The following NOL10 variants were observed in gnomAD, a reference collection of about 807,000 sequenced individuals.
NOL10 encodes the protein H_NH0074G24.1.
In NOL10, 58 loss-of-function variants were observed where a neutral mutation model predicts 103.5. The ratio of observed to expected loss-of-function variants is 0.56; its 90% CI spans 0.45 to 0.70. The LOEUF (loss-of-function observed/expected upper bound fraction) is 0.70. Among genes scored for constraint, NOL10 ranks in the 30% least tolerant of loss-of-function variants. NOL10 has a pLI of 0.00. For missense variants in NOL10, 763 were observed against 807.3 expected (o/e 0.95, Z 0.67); for synonymous variants, 287 against 282.5 (o/e 1.02, Z -0.16).
chr2:10,602,623 T>C (rs548220111), intron 16 of NOL10, among the ~76,000 whole-genome samples, 153 bp downstream of exon 16: 40 of 152,086 alleles, frequency 2.6e-4, no homozygotes, highest in South Asian at 8.3e-4. Flanking sequence ...CATGACACAC[T>C]GATGACAAAC....
At chr2:10,670,705 A>G (rs1464084178) in intron 6 of NOL10, among the ~76,000 whole-genome samples, 1 of 152,210 alleles carries the variant, frequency 6.6e-6, no homozygotes, top group Non-Finnish European at 1.5e-5. Context: ...ACTGCACTGC[A>G]GCCTGGGTGA....
chr2:10,662,151 T>G (rs1680251880), intron 9 of NOL10, among the ~76,000 whole-genome samples: 1 of 152,182 alleles, frequency 6.6e-6, no homozygotes. Flanking sequence ...TTTTCATCTA[T>G]AAAATAAATA....
intron 19 of NOL10, among the ~76,000 whole-genome samples, chr2:10,586,392 G>A (rs564088449): frequency 6.6e-6 from 1 of 152,282 alleles, no homozygotes; most frequent in Non-Finnish European, 1.5e-5. Context: ...AACAACCAGT[G>A]AACTGCATGC....
intron 20 of NOL10, among the ~76,000 whole-genome samples, chr2:10,572,647 C>A (rs1674241045): frequency 6.6e-6 from 1 of 152,080 alleles, no homozygotes; most frequent in Non-Finnish European, 1.5e-5. Context: ...TTTTTAAAAA[C>A]AAAAAATACT....
In NOL10 at chr2:10,641,427, T is replaced by C. The variant is rs79588149; in HGVS notation, c.1026+2893A>G. Among the ~76,000 whole-genome samples the C allele has an allele frequency of 1.8e-4, 27 of 152,190 alleles. No homozygotes were observed. In the East Asian group the frequency reaches 5.2e-3, roughly 29 times the overall value. On this transcript the variant is annotated intron_variant, in intron 13 of 20. Transcript: ENST00000381685. ...AACTAAAAAACAATACATCCAAATA[T>C]TAATGGTAGTTATAGTATTATCAAG...
In NOL10 at chr2:10,678,918, T is replaced by C. The variant is rs140557149; in HGVS notation, c.212-3047A>G. 2.5e-3 allele frequency among the ~76,000 whole-genome samples: 378 copies of C among 152,222 alleles called. 3 individuals carry two copies. The highest frequency in any genetic ancestry group is 8.6e-3 in the African/African-American group (356 of 41,544). On this transcript the variant is annotated intron_variant, in intron 3 of 20. Coordinates refer to ENST00000381685, the MANE Select transcript of NOL10 (RefSeq NM_024894.4). ...AATGTGAGGCTAAGTTAAAATGAAT[T>C]AAAATCAAATTAAATTTAAGATTCC...
intron 13 of NOL10, among the ~76,000 whole-genome samples, chr2:10,610,238 T>C (rs1676497024): frequency 6.6e-6 from 1 of 152,312 alleles, no homozygotes; most frequent in East Asian, 1.9e-4. Context: ...ATAAAAAGAT[T>C]ATACTGTGTG....
intron 20 of NOL10, 66 bp downstream of exon 20, chr2:10,577,570 C>A: frequency 8.6e-7 from 1 of 1,156,928 alleles, no homozygotes; most frequent in South Asian, 1.4e-5. Flanking sequence ...AGGACACACA[C>A]ACAAACACTA....
intron 17 of NOL10, among the ~76,000 whole-genome samples, chr2:10,590,106 TAA>T (rs1222794003): frequency 6.6e-6 from 1 of 152,152 alleles, no homozygotes; most frequent in Non-Finnish European, 1.5e-5. Context: ...ACTAGGTTTT[TAA>T]AAAGTGGCTT....
chr2:10,649,904 CA>C (rs1679345688), intron 12 of NOL10, among the ~76,000 whole-genome samples: 1 of 152,140 alleles, frequency 6.6e-6, no homozygotes, highest in Non-Finnish European at 1.5e-5. Flanking sequence ...ATTTCCATGT[CA>C]TAAAATATTA....
intron 19 of NOL10, among the ~76,000 whole-genome samples, chr2:10,587,363 C>T (rs1466993111): frequency 2.7e-5 from 4 of 145,690 alleles, no homozygotes; most frequent in African/African-American, 7.8e-5. Flanking sequence ...CTCTGCCTCC[C>T]GGGTCCAAGC....
chr2:10,669,335 C>T (rs1042933329), intron 6 of NOL10, among the ~76,000 whole-genome samples: 1 of 151,174 alleles, frequency 6.6e-6, no homozygotes, highest in African/African-American at 2.4e-5. Flanking sequence ...GGTGATCTGC[C>T]CACCTCAGCC....
intron 13 of NOL10, among the ~76,000 whole-genome samples, chr2:10,620,350 T>TA (rs772377344): frequency 2.6e-5 from 4 of 152,296 alleles, no homozygotes; most frequent in Middle Eastern, 3.4e-3. Context: ...GAGCAAAACT[T>TA]TAAAAAAATT....
chr2:10,577,760 GC>G, intron 19 of NOL10, 22 bp from the exon 20 acceptor site: 1 of 1,449,818 alleles, frequency 6.9e-7, no homozygotes, highest in Non-Finnish European at 9.6e-7. Context: ...TCAAAAGAAT[GC>G]CACATTAATC....
At chr2:10,674,271 T>C (rs990388726) in intron 4 of NOL10, among the ~76,000 whole-genome samples, 1 of 151,490 alleles carries the variant, frequency 6.6e-6, no homozygotes, top group Non-Finnish European at 1.5e-5. Context: ...GTTGGGAGAC[T>C]ATGCATATAA....
intron 19 of NOL10, among the ~76,000 whole-genome samples, chr2:10,582,140 A>G (rs1206118062): frequency 6.6e-6 from 1 of 152,264 alleles, no homozygotes; most frequent in Non-Finnish European, 1.5e-5. Flanking sequence ...GCTTATATTA[A>G]AACAAAGCTG....
At chr2:10,683,041 C>T (rs1432092750) in intron 2 of NOL10, among the ~76,000 whole-genome samples, 1 of 152,122 alleles carries the variant, frequency 6.6e-6, no homozygotes, top group African/African-American at 2.4e-5. Flanking sequence ...CCTGGGCCTT[C>T]CAAAGTGCTG....
intron 20 of NOL10, 103 bp downstream of exon 20, chr2:10,577,533 G>T: frequency 1.2e-6 from 1 of 816,188 alleles, no homozygotes; most frequent in South Asian, 1.8e-5. Flanking sequence ...TCCTCAATAG[G>T]GGAAAAGCAT....
At chr2:10,638,396 A>AGTTAT (rs111950418) in intron 13 of NOL10, among the ~76,000 whole-genome samples, 1 of 150,272 alleles carries the variant, frequency 6.7e-6, no homozygotes, top group East Asian at 2.0e-4. Context: ...AGCTGGGTGC[A>AGTTAT]GTATTTATTC....
Sources: gnomAD v4.1 joint callset for allele counts (sites outside exome capture counted in the v4.1 genomes callset) on GRCh38, gnomAD v4.1.1 for gene constraint, MANE v1.5 for transcripts, NCBI Gene and HGNC (gene_info 2026-07-23, HGNC 2026-07-21) for gene names.